The following SEPTIN14 variants were observed in gnomAD, a reference collection of about 807,000 sequenced individuals.
The protein encoded by SEPTIN14 is septin-14.
In SEPTIN14, 40 loss-of-function variants were observed where a neutral mutation model predicts 53.6. That is an observed-to-expected ratio of 0.75 (90% CI 0.58 to 0.97). The LOEUF (loss-of-function observed/expected upper bound fraction) is 0.97, where lower values mean the gene tolerates loss of function less well. Ranked by LOEUF, SEPTIN14 falls within the 50% of genes least tolerant of loss-of-function variation. The pLI, the probability that SEPTIN14 is intolerant of heterozygous loss-of-function variation, is 0.00. For missense variants in SEPTIN14, 471 were observed against 508.2 expected (o/e 0.93, Z 0.70); for synonymous variants, 138 against 166.8 (o/e 0.83, Z 1.33).
rs192808094 is a variant in SEPTIN14, at chr7:55,844,851, C to T, written c.176-133G>A. 6.3e-4 allele frequency: 269 copies of T among 424,434 alleles called. 1 individual carries two copies. The highest frequency in any genetic ancestry group is 4.8e-3 in the African/African-American group (233 of 48,860). 26.3% of individuals were successfully genotyped at this position (424,434 alleles called of 1,614,324 possible). A position where few individuals can be genotyped will look rare whatever the true frequency, so the allele number is the denominator to read the frequency against. ...GAAGTAGAGAGTAGTATTCTGGCTA[C>T]CAGAGGCTGGGGGAGCAGGAGAAAG... On this transcript the variant is annotated intron_variant, in intron 3 of 9. Coordinates refer to ENST00000388975, the MANE Select transcript of SEPTIN14 (RefSeq NM_207366.3).
intron 6 of SEPTIN14, among the ~76,000 whole-genome samples, chr7:55,832,564 A>G (rs369948921): frequency 3.7e-5 from 5 of 135,204 alleles, no homozygotes; most frequent in South Asian, 2.4e-4. Flanking sequence ...ATGGAATACT[A>G]TGCAGCCATA....
chr7:55,814,864 G>T (rs1476807057), intron 7 of SEPTIN14, among the ~76,000 whole-genome samples: 2 of 152,108 alleles, frequency 1.3e-5, no homozygotes, highest in Non-Finnish European at 2.9e-5. Flanking sequence ...AATAACACTG[G>T]AGGAATCGCA....
chr7:55,844,904 C>T (rs1179025427), intron 3 of SEPTIN14, among the ~76,000 whole-genome samples, 186 bp from the exon 4 acceptor site: 1 of 119,606 alleles, frequency 8.4e-6, no homozygotes, highest in African/African-American at 4.0e-5. Flanking sequence ...GTCAAAGGTA[C>T]AAAGTTTCTT....
intron 7 of SEPTIN14, among the ~76,000 whole-genome samples, chr7:55,812,271 G>C (rs1295084379): frequency 6.6e-6 from 1 of 152,186 alleles, no homozygotes; most frequent in Non-Finnish European, 1.5e-5. Context: ...ATGAAATCCT[G>C]TCATGTGTAA....
At chr7:55,838,776 T>C (rs1040958645) in intron 5 of SEPTIN14, among the ~76,000 whole-genome samples, 4 of 151,958 alleles carry the variant, frequency 2.6e-5, no homozygotes, top group South Asian at 2.1e-4. Flanking sequence ...CTTGAGCTCC[T>C]GAGCTCAAGC....
intron 6 of SEPTIN14, among the ~76,000 whole-genome samples, chr7:55,830,335 A>ATTTTTT (rs1562713324): frequency 5.8e-5 from 2 of 34,298 alleles, no homozygotes; most frequent in African/African-American, 3.0e-4. Flanking sequence ...ATATATATAT[A>ATTTTTT]TATATATATA....
chr7:55,834,105 C>T (rs1404645279), intron 6 of SEPTIN14, among the ~76,000 whole-genome samples: 1 of 152,048 alleles, frequency 6.6e-6, no homozygotes, highest in Non-Finnish European at 1.5e-5. Context: ...GTAAATTCTA[C>T]CAAACTTTCA....
At chr7:55,860,497 A>C (rs550504629) in intron 2 of SEPTIN14, among the ~76,000 whole-genome samples, 2 of 152,312 alleles carry the variant, frequency 1.3e-5, no homozygotes, top group East Asian at 1.9e-4. Context: ...GTTTATAACA[A>C]TGTATTGTAT....
At chr7:55,802,338 A>G (rs901757527) in intron 9 of SEPTIN14, among the ~76,000 whole-genome samples, 1 of 152,162 alleles carries the variant, frequency 6.6e-6, no homozygotes, top group Non-Finnish European at 1.5e-5. Context: ...TTCGAAGAAG[A>G]CATTATTACT....
At chr7:55,857,582 CT>C (rs1162739964) in intron 2 of SEPTIN14, among the ~76,000 whole-genome samples, 15 of 21,598 alleles carry the variant, frequency 6.9e-4, no homozygotes, top group African/African-American at 2.2e-3. Flanking sequence ...GAGCCTGTGT[CT>C]TTTTTTTTTT....
At chr7:55,854,531 G>A (rs886189586) in intron 2 of SEPTIN14, among the ~76,000 whole-genome samples, 2 of 152,052 alleles carry the variant, frequency 1.3e-5, no homozygotes, top group South Asian at 2.1e-4. Flanking sequence ...CCGGGTTCAC[G>A]CTATTCTCCT....
At chr7:55,855,332 T>C (rs571879619) in intron 2 of SEPTIN14, among the ~76,000 whole-genome samples, 1 of 142,094 alleles carries the variant, frequency 7.0e-6, no homozygotes, top group Admixed American at 7.2e-5. Flanking sequence ...TAAAAACTCA[T>C]CCTAGTACTG....
chr7:55,811,034 T>C, intron 7 of SEPTIN14: 1 of 456,696 alleles, frequency 2.2e-6, no homozygotes, highest in Non-Finnish European at 4.2e-6. Context: ...GTTTATTTTC[T>C]TCTTCTTCCT....
Position 55,806,048 on chromosome 7 carries a change from G to C in SEPTIN14, c.987-658C>G, listed in dbSNP as rs537233659. On this transcript the variant is annotated intron_variant, in intron 8 of 9. Transcript: ENST00000388975. ...GTCTCTCTTTGTCGCCCAGACTGGA[G>C]TGCAGTGGCACGATCTCAGCTCACT... 1.3e-4 allele frequency among the ~76,000 whole-genome samples: 20 copies of C among 152,096 alleles called. 1 individual carries two copies. In the South Asian group the frequency reaches 2.3e-3, roughly 17 times the overall value.
intron 6 of SEPTIN14, among the ~76,000 whole-genome samples, chr7:55,824,289 CA>C (rs1468113885): frequency 2.6e-5 from 4 of 151,898 alleles, no homozygotes; most frequent in Non-Finnish European, 5.9e-5. Flanking sequence ...TAAAACCCAA[CA>C]AAAAAATGAA....
intron 2 of SEPTIN14, among the ~76,000 whole-genome samples, chr7:55,858,053 G>A (rs1240059006): frequency 6.6e-6 from 1 of 152,184 alleles, no homozygotes; most frequent in Non-Finnish European, 1.5e-5. Context: ...CTGGCAAGAA[G>A]CTCCACTCAC....
intron 2 of SEPTIN14, among the ~76,000 whole-genome samples, chr7:55,853,992 A>T (rs1789563366): frequency 6.6e-6 from 1 of 152,024 alleles, no homozygotes; most frequent in South Asian, 2.1e-4. Flanking sequence ...ATGGTGGTAC[A>T]TGCTCGTCGT....
Position 55,798,111 on chromosome 7 carries a change from C to T in SEPTIN14, c.1120-2019G>A, listed in dbSNP as rs1193306661. On this transcript the variant is annotated intron_variant, in intron 9 of 9. Transcript: ENST00000388975. ...GCCTCGGCATGTTCAGGTAGAGGAA[C>T]GTGGAACCTCGCTCTTTGGCTGTGT... The T allele has an allele frequency of 5.3e-5, 10 of 189,518 alleles. No homozygotes were observed. The South Asian group carries it at 6.9e-4, about 13-fold the overall frequency. The allele number at this position is 189,518 out of a possible 1,614,324, so 11.7% of individuals were successfully genotyped here.
intron 6 of SEPTIN14, 132 bp from the exon 7 acceptor site, chr7:55,819,355 C>G: frequency 1.5e-6 from 1 of 651,004 alleles, no homozygotes; most frequent in South Asian, 1.6e-5. Context: ...TTTGGGAGGC[C>G]GAGGTGGGCG....
Sources: gnomAD v4.1 joint callset for allele counts (sites outside exome capture counted in the v4.1 genomes callset) on GRCh38, gnomAD v4.1.1 for gene constraint, MANE v1.5 for transcripts, NCBI Gene and HGNC (gene_info 2026-07-23, HGNC 2026-07-21) for gene names.